The following CADM2 variants were observed in gnomAD, a reference collection of about 807,000 sequenced individuals.
CADM2 encodes the protein cell adhesion molecule 2.
A neutral mutation model predicts 49.8 loss-of-function variants in CADM2; 12 were observed. That is an observed-to-expected ratio of 0.24 (90% CI 0.15 to 0.39). The LOEUF (loss-of-function observed/expected upper bound fraction) is 0.39. CADM2 is among the 10% of genes least tolerant of loss of function. The pLI is 1.00. For synonymous variants in CADM2, 214 were observed against 175.4 expected (o/e 1.22, Z -1.74); for missense variants, 378 against 492.3 (o/e 0.77, Z 2.20).
chr3:85,585,985 C>T (rs1421813310), intron 1 of CADM2, among the ~76,000 whole-genome samples: 1 of 151,906 alleles, frequency 6.6e-6, no homozygotes, highest in Non-Finnish European at 1.5e-5. Flanking sequence ...TGCTTAGTGA[C>T]TCCTATCTAA....
At chr3:85,199,681 T>C (rs1468633903) in intron 1 of CADM2, among the ~76,000 whole-genome samples, 1 of 152,002 alleles carries the variant, frequency 6.6e-6, no homozygotes, top group Admixed American at 6.6e-5. Context: ...ATTAATATAG[T>C]AATGCACAGA....
intron 5 of CADM2, among the ~76,000 whole-genome samples, chr3:85,898,853 G>T: frequency 7.0e-6 from 1 of 142,950 alleles, no homozygotes; most frequent in Non-Finnish European, 1.5e-5. Flanking sequence ...TGGATTATAT[G>T]GTAGCCATAT....
At chr3:85,945,234 G>A (rs1477129415) in intron 7 of CADM2, among the ~76,000 whole-genome samples, 17 of 152,044 alleles carry the variant, frequency 1.1e-4, no homozygotes, top group Non-Finnish European at 2.9e-5. Context: ...CCAGGAAGAA[G>A]TTGAATCTCT....
At chr3:86,063,620 G>A (rs1165164741) in intron 8 of CADM2, among the ~76,000 whole-genome samples, 1 of 151,982 alleles carries the variant, frequency 6.6e-6, no homozygotes, top group Non-Finnish European at 1.5e-5. Context: ...GCAAGTTTAG[G>A]TGTCTAGACG....
chr3:85,575,817 A>G (rs1430895549), intron 1 of CADM2, among the ~76,000 whole-genome samples: 11 of 152,224 alleles, frequency 7.2e-5, no homozygotes, highest in African/African-American at 2.7e-4. Flanking sequence ...TTAAAAGAGC[A>G]TGCAAAAATA....
intron 1 of CADM2, among the ~76,000 whole-genome samples, chr3:85,456,516 A>G (rs2037996975): frequency 6.6e-6 from 1 of 152,150 alleles, no homozygotes; most frequent in Non-Finnish European, 1.5e-5. Context: ...ATATTCATCA[A>G]TATTATTTGT....
intron 6 of CADM2, among the ~76,000 whole-genome samples, chr3:85,914,205 T>TA (rs758876488): frequency 6.6e-6 from 1 of 152,170 alleles, no homozygotes; most frequent in Non-Finnish European, 1.5e-5. Context: ...GAAAGAAGCA[T>TA]ACTTCAGAGC....
At chr3:85,054,483 G>T (rs2036002178) in intron 1 of CADM2, among the ~76,000 whole-genome samples, 1 of 151,860 alleles carries the variant, frequency 6.6e-6, no homozygotes, top group African/African-American at 2.4e-5. Context: ...ATAATTAAGG[G>T]CTTTGAGTAG....
intron 2 of CADM2, among the ~76,000 whole-genome samples, chr3:85,795,392 A>T (rs926843973): frequency 2.6e-5 from 4 of 152,120 alleles, no homozygotes; most frequent in African/African-American, 9.7e-5. Context: ...CACATATCCC[A>T]AGGGCATTTA....
chr3:85,458,344 C>A (rs933407202), intron 1 of CADM2, among the ~76,000 whole-genome samples: 1 of 152,118 alleles, frequency 6.6e-6, no homozygotes, highest in African/African-American at 2.4e-5. Flanking sequence ...CACTCCTCTG[C>A]CTGTGGGAAG....
intron 1 of CADM2, among the ~76,000 whole-genome samples, chr3:85,369,625 T>G (rs1166850487): frequency 6.6e-6 from 1 of 152,186 alleles, no homozygotes; most frequent in East Asian, 1.9e-4. Flanking sequence ...GAAGGAGAAC[T>G]GTGTATGTAA....
intron 1 of CADM2, among the ~76,000 whole-genome samples, chr3:85,579,968 C>G (rs1368010025): frequency 6.6e-6 from 1 of 152,120 alleles, no homozygotes; most frequent in East Asian, 1.9e-4. Flanking sequence ...AGTCATGACA[C>G]AGATTTCTTG....
chr3:86,014,714 CAT>C (rs1364141688), intron 8 of CADM2: 3 of 1,520,724 alleles, frequency 2.0e-6, no homozygotes, highest in African/African-American at 2.8e-5. Flanking sequence ...ACCATGCTGA[CAT>C]GTGTAGAAGT....
At chr3:85,413,151 AAAAAAAAAAAAAT>A (rs2035741445) in intron 1 of CADM2, among the ~76,000 whole-genome samples, 1 of 143,594 alleles carries the variant, frequency 7.0e-6, no homozygotes, top group African/African-American at 2.6e-5. Flanking sequence ...AAAAAAAAAA[AAAAAAAAAAAAAT>A]AATAATAATA....
chr3:85,277,357 C>T (rs557933379), intron 1 of CADM2, among the ~76,000 whole-genome samples: 7 of 151,422 alleles, frequency 4.6e-5, no homozygotes, highest in Admixed American at 3.3e-4. Flanking sequence ...TAAAACGAGG[C>T]ACACCCAAGA....
chr3:85,596,020 G>T (rs750407841), intron 1 of CADM2, among the ~76,000 whole-genome samples: 6 of 151,590 alleles, frequency 4.0e-5, no homozygotes, highest in Non-Finnish European at 8.8e-5. Context: ...CCTAAAGTAA[G>T]TTTTGCTACT....
intron 1 of CADM2, among the ~76,000 whole-genome samples, chr3:85,140,350 T>C (rs1335209696): frequency 1.3e-5 from 2 of 152,176 alleles, no homozygotes; most frequent in African/African-American, 2.4e-5. Flanking sequence ...GTGGGGTAAA[T>C]GTGGTTTCTT....
intron 5 of CADM2, among the ~76,000 whole-genome samples, chr3:85,901,282 A>G (rs28514755): frequency 4.0e-4 from 61 of 152,330 alleles, no homozygotes; most frequent in African/African-American, 1.4e-3. Flanking sequence ...TTGATGTCTT[A>G]GTGTAGCAGT....
intron 2 of CADM2, among the ~76,000 whole-genome samples, chr3:85,778,881 G>T (rs1019004776): frequency 6.6e-6 from 1 of 152,080 alleles, no homozygotes; most frequent in South Asian, 2.1e-4. Flanking sequence ...AAATTTTAAA[G>T]ACACACTCTT....
Sources: allele counts gnomAD v4.1 joint callset (sites outside exome capture counted in the v4.1 genomes callset), GRCh38; gene constraint gnomAD v4.1.1; transcripts MANE v1.5; gene names NCBI Gene and HGNC (gene_info 2026-07-23, HGNC 2026-07-21).